ZFHX4: variants seen among roughly 807,000 people sequenced by gnomAD.
The protein encoded by ZFHX4 is zinc finger homeobox 4.
A neutral mutation model predicts 267.6 loss-of-function variants in ZFHX4; 56 were observed. The observed-to-expected ratio is 0.21, with a 90% CI of 0.17 to 0.26. The LOEUF (loss-of-function observed/expected upper bound fraction) is 0.26. Ranked by LOEUF, ZFHX4 falls within the 10% of genes least tolerant of loss-of-function variation. The pLI, the probability that ZFHX4 is intolerant of heterozygous loss-of-function variation, is 1.00. For synonymous variants in ZFHX4, 1,778 were observed against 1,665.6 expected (o/e 1.07, Z -1.64); for missense variants, 4,332 against 4,420.0 (o/e 0.98, Z 0.56).
intron 4 of ZFHX4, 88 bp from the exon 5 acceptor site, chr8:76,833,250 G>A (rs754382758): frequency 3.6e-4 from 383 of 1,068,776 alleles, no homozygotes; most frequent in Admixed American, 4.0e-4. Context: ...TCTCCTGACT[G>A]CCAAATTTTG....
intron 1 of ZFHX4, among the ~76,000 whole-genome samples, chr8:76,688,273 C>T (rs1469498685): frequency 6.6e-6 from 1 of 152,000 alleles, no homozygotes; most frequent in Non-Finnish European, 1.5e-5. Flanking sequence ...CTGTTTTTTT[C>T]CCCATAGGCT....
intron 4 of ZFHX4, among the ~76,000 whole-genome samples, chr8:76,812,720 A>G (rs1314181427): frequency 6.6e-6 from 1 of 152,200 alleles, no homozygotes; most frequent in Non-Finnish European, 1.5e-5. Context: ...TAAAGAAAGG[A>G]AAGAGTTATA....
chr8:76,852,289 C>A lies in ZFHX4; in HGVS notation c.5368C>A (p.Gln1790Lys). Residue 1790 changes from glutamine (Q) to lysine (K), a missense_variant, in exon 10 of 11, where the codon CAA becomes AAA. Physicochemically the swap from Gln to Lys is moderately conservative, Grantham distance 53 (BLOSUM62 1). Coordinates refer to ENST00000651372, the MANE Select transcript of ZFHX4 (RefSeq NM_024721.5). ...QQIQTQHHVG[Q>K]TQLQILQQQA... ...GATTCAAACCCAACATCACGTTGGT[C>A]AAACTCAACTCCAGATACTACAGCA... The A allele has an allele frequency of 6.4e-7, 1 of 1,567,956 alleles. No individual in the cohort carries two copies. Among genetic ancestry groups the A allele is most frequent in the Non-Finnish European group, 8.7e-7 (1 of 1,155,310 alleles).
chr8:76,851,853 C>T lies in ZFHX4; in HGVS notation c.4932C>T (p.Ser1644=), dbSNP rs1812535765. ...GGHSIAANVN[S]PGQGMLDSMS... ...ACAGCATTGCAGCAAATGTCAACAGCCCTGGCCAGGGGATGTTAGATTCCA... is the reference window on the plus strand; with the variant it reads ...ACAGCATTGCAGCAAATGTCAACAGTCCTGGCCAGGGGATGTTAGATTCCA... The change falls in exon 10 of 11, where the codon AGC becomes AGT. Residue 1644 remains serine (S), a synonymous_variant. Transcript: ENST00000651372. The T allele has an allele frequency of 6.2e-7, 1 of 1,613,820 alleles. No individual in the cohort carries two copies. Among genetic ancestry groups the T allele is most frequent in the Admixed American group, 1.7e-5 (1 of 60,006 alleles).
rs75017154 is a variant in ZFHX4, at chr8:76,853,273, G to A, written c.6352G>A (p.Gly2118Arg). 4.4e-6 allele frequency: 7 copies of A among 1,600,840 alleles called. No individual in the cohort carries two copies. The East Asian group carries it at 6.8e-5, about 15-fold the overall frequency. ...CACCCAACTTTGCCAGCAGCAGCTCGGATTAGATCCCAACTTCTTAAGACA... is the reference window on the plus strand; with the variant it reads ...CACCCAACTTTGCCAGCAGCAGCTCAGATTAGATCCCAACTTCTTAAGACA... The part of the protein sequence containing the change: ...DLTQLCQQQL[G>R]LDPNFLRHSQ... Residue 2118 changes from glycine (G) to arginine (R), a missense_variant, in exon 10 of 11, where the codon GGA (glycine) becomes AGA (arginine). Gly to Arg is a moderately radical substitution (Grantham distance 125). This residue lies in a region of ZFHX4 where 1,371 missense variants were observed against 1,423.1 expected (regional missense o/e 0.96). Transcript: ENST00000651372.
At chr8:76,707,282 G>A (rs978680685) in intron 2 of ZFHX4, among the ~76,000 whole-genome samples, 1 of 152,092 alleles carries the variant, frequency 6.6e-6, no homozygotes, top group African/African-American at 2.4e-5. Flanking sequence ...GTTTTGTTAT[G>A]GTATTGATCA....
chr8:76,710,169 CTT>C (rs767905260), intron 3 of ZFHX4, among the ~76,000 whole-genome samples: 1 of 152,234 alleles, frequency 6.6e-6, no homozygotes, highest in African/African-American at 2.4e-5. Flanking sequence ...TTTGAACAAA[CTT>C]ATCTTGAATT....
chr8:76,818,445 A>C (rs1811561831), intron 4 of ZFHX4, among the ~76,000 whole-genome samples: 1 of 152,174 alleles, frequency 6.6e-6, no homozygotes, highest in African/African-American at 2.4e-5. Flanking sequence ...CAAAGTTTGG[A>C]TTCGATAAAG....
At chr8:76,815,250 A>G (rs1811474989) in intron 4 of ZFHX4, among the ~76,000 whole-genome samples, 1 of 152,194 alleles carries the variant, frequency 6.6e-6, no homozygotes, top group Non-Finnish European at 1.5e-5. Flanking sequence ...AGGGAATGTG[A>G]GAAAGGAAGG....
intron 3 of ZFHX4, among the ~76,000 whole-genome samples, chr8:76,759,063 A>G (rs1809841090): frequency 6.6e-6 from 1 of 152,240 alleles, no homozygotes; most frequent in South Asian, 2.1e-4. Flanking sequence ...TTTTCTTTAC[A>G]TACATATTTA....
chr8:76,773,107 A>G (rs1438946844), intron 3 of ZFHX4, among the ~76,000 whole-genome samples: 1 of 152,178 alleles, frequency 6.6e-6, no homozygotes, highest in Admixed American at 6.6e-5. Flanking sequence ...TACTTGCCAT[A>G]GTGTGCACAC....
At chr8:76,755,670 G>A (rs1001100592) in intron 3 of ZFHX4, among the ~76,000 whole-genome samples, 3 of 152,126 alleles carry the variant, frequency 2.0e-5, no homozygotes, top group African/African-American at 4.8e-5. Context: ...GAAATTGCTC[G>A]ATGAAAGCTT....
chr8:76,854,136 A>C lies in ZFHX4; in HGVS notation c.7215A>C (p.Lys2405Asn). ...PKPEPEKTSP[K>N]PEYPAEKPKQ... ...CAGAACCTGAGAAGACTTCTCCAAA[A>C]CCTGAATATCCCGCAGAAAAGCCAA... Residue 2405 changes from lysine to asparagine, a missense_variant, in exon 10 of 11, where the codon AAA (lysine) becomes AAC (asparagine). Transcript: ENST00000651372. 1 of 1,612,366 alleles carries C rather than the reference A, an allele frequency of 6.2e-7. No individual in the cohort carries two copies. Among genetic ancestry groups the C allele is most frequent in the Non-Finnish European group, 8.5e-7 (1 of 1,179,162 alleles).
rs145213205 is a variant in ZFHX4, at chr8:76,764,750, C to T, written c.3094-13458C>T. 3.3e-5 allele frequency among the ~76,000 whole-genome samples: 5 copies of T among 152,284 alleles called. No homozygotes were observed. The East Asian group carries it at 9.6e-4, about 29-fold the overall frequency. On this transcript the variant is annotated intron_variant, in intron 3 of 10. Coordinates refer to ENST00000651372, the MANE Select transcript of ZFHX4 (RefSeq NM_024721.5). ...CTCCGACCTCTGACTGTTAGTTTCA[C>T]GTTGCCATTCTTTGTTTAACTTCAT...
chr8:76,815,877 A>G (rs1262230839), intron 4 of ZFHX4, among the ~76,000 whole-genome samples: 1 of 152,218 alleles, frequency 6.6e-6, no homozygotes, highest in Non-Finnish European at 1.5e-5. Context: ...TAGGATTTCA[A>G]CATATGAATT....
At chr8:76,796,790 T>C (rs1274404922) in intron 4 of ZFHX4, among the ~76,000 whole-genome samples, 1 of 152,172 alleles carries the variant, frequency 6.6e-6, no homozygotes, top group Non-Finnish European at 1.5e-5. Context: ...CTGATAATCT[T>C]TTCATAACCA....
intron 8 of ZFHX4, 99 bp downstream of exon 8, chr8:76,849,811 G>A (rs1812463830): frequency 3.9e-6 from 5 of 1,286,060 alleles, no homozygotes; most frequent in Non-Finnish European, 5.4e-6. Flanking sequence ...TATTTCTTCA[G>A]AGCTAATTAA....
At chr8:76,696,038 A>T (rs992887935) in intron 1 of ZFHX4, among the ~76,000 whole-genome samples, 2 of 152,144 alleles carry the variant, frequency 1.3e-5, no homozygotes, top group Non-Finnish European at 2.9e-5. Context: ...TGACAGCTCC[A>T]CTTGTTCTTG....
intron 4 of ZFHX4, among the ~76,000 whole-genome samples, chr8:76,816,681 C>T (rs957922387): frequency 2.0e-5 from 3 of 150,996 alleles, no homozygotes; most frequent in African/African-American, 7.3e-5. Context: ...CTGCAACCTC[C>T]GCCTCCTGGG....
Sources: gnomAD v4.1 joint callset for allele counts (sites outside exome capture counted in the v4.1 genomes callset) on GRCh38, gnomAD v4.1.1 for gene constraint, gnomAD v4.1.1 regional missense constraint, MANE v1.5 for transcripts, NCBI Gene and HGNC (gene_info 2026-07-23, HGNC 2026-07-21) for gene names.